USP47: variants seen among roughly 807,000 people sequenced by gnomAD.
USP47 encodes the protein ubiquitin carboxyl-terminal hydrolase 47.
USP47 carries 35 observed loss-of-function variants against 165.1 expected under a neutral mutation model. The ratio of observed to expected loss-of-function variants is 0.21; its 90% CI spans 0.16 to 0.28. The LOEUF is 0.28. Ranked by LOEUF, USP47 falls within the 10% of genes least tolerant of loss-of-function variation. The pLI is 1.00. For synonymous variants in USP47, 531 were observed against 544.5 expected (o/e 0.98, Z 0.35); for missense variants, 1,277 against 1,607.4 (o/e 0.79, Z 3.52).
At chr11:11,903,066 A>T (rs1006769768) in intron 6 of USP47, among the ~76,000 whole-genome samples, 197 bp from the exon 7 acceptor site, 9 of 152,174 alleles carry the variant, frequency 5.9e-5, no homozygotes, top group Non-Finnish European at 1.3e-4. Context: ...AGCATATATT[A>T]TTTATAGAAT....
rs370547108 is a variant in USP47, at chr11:11,884,502, C to T, written c.279C>T (p.Leu93=). The change falls in exon 3 of 28, where the codon CTC becomes CTT. Residue 93 remains leucine, a synonymous_variant. Coordinates refer to ENST00000527733, the MANE Select transcript of USP47 (RefSeq NM_001282659.2). ...PLDHTSDKSL[L]DANFEPGKKN... is the part of the protein sequence containing the mutation. ...ATCATACCAGTGACAAGTCACTTCT[C>T]GACGCTAATTTTGAGCCAGGAAAGA... is the stretch of plus-strand genomic sequence containing the variant. The T allele has an allele frequency of 3.0e-5, 49 of 1,611,418 alleles. No individual in the cohort carries two copies. The highest frequency in any genetic ancestry group is 1.6e-4 in the Middle Eastern group (1 of 6,072).
intron 8 of USP47, among the ~76,000 whole-genome samples, chr11:11,915,038 A>G (rs888870676): frequency 8.5e-5 from 13 of 152,328 alleles, no homozygotes; most frequent in South Asian, 2.1e-4. Flanking sequence ...ACAAATATTT[A>G]TTCCATCTTT....
At chr11:11,874,080 A>G (rs970363331) in intron 1 of USP47, among the ~76,000 whole-genome samples, 2 of 152,226 alleles carry the variant, frequency 1.3e-5, no homozygotes, top group South Asian at 2.1e-4. Flanking sequence ...TGATAGAAAA[A>G]CTAAAGAACC....
intron 1 of USP47, among the ~76,000 whole-genome samples, chr11:11,868,113 G>C (rs1467627706): frequency 6.6e-6 from 1 of 152,124 alleles, no homozygotes; most frequent in African/African-American, 2.4e-5. Flanking sequence ...TTGTAGTTTG[G>C]AGAAATAAAA....
At chr11:11,851,105 T>G (rs957759271) in intron 1 of USP47, among the ~76,000 whole-genome samples, 1 of 152,320 alleles carries the variant, frequency 6.6e-6, no homozygotes, top group Admixed American at 6.5e-5. Context: ...ATCTTTTCTT[T>G]TGTGCTGGAT....
intron 8 of USP47, among the ~76,000 whole-genome samples, chr11:11,909,692 G>A (rs995299526): frequency 5.3e-5 from 8 of 152,062 alleles, no homozygotes; most frequent in Non-Finnish European, 1.0e-4. Context: ...TTAAATACCT[G>A]TTTATTATGA....
intron 3 of USP47, among the ~76,000 whole-genome samples, chr11:11,891,580 CTT>C (rs1160517444): frequency 6.6e-6 from 1 of 152,170 alleles, no homozygotes; most frequent in Non-Finnish European, 1.5e-5. Flanking sequence ...GCTTGTGCTG[CTT>C]TTATGTCCCT....
chr11:11,959,964 CT>C lies in USP47; in HGVS notation c.*3790del, dbSNP rs1293757019. Reference sequence around the variant, plus strand: ...GCCTCTTTTATAATGCTTAAGTAACCTGCTTGAAGAGTATAATTTATGGAGA... The same window carrying C: ...GCCTCTTTTATAATGCTTAAGTAACCGCTTGAAGAGTATAATTTATGGAGA... On this transcript the variant is annotated 3_prime_UTR_variant, in exon 28 of 28. Coordinates refer to ENST00000527733, the MANE Select transcript of USP47 (RefSeq NM_001282659.2). Among the ~76,000 whole-genome samples the C allele has an allele frequency of 6.6e-6, 1 of 152,110 alleles. No individual in the cohort carries two copies. Among genetic ancestry groups the C allele is most frequent in the Non-Finnish European group, 1.5e-5 (1 of 68,018 alleles).
chr11:11,873,948 T>C, intron 1 of USP47: 1 of 690,202 alleles, frequency 1.4e-6, no homozygotes, highest in Non-Finnish European at 2.1e-6. Flanking sequence ...AAGGCATGTC[T>C]TAAGTTTTAT....
intron 2 of USP47, 48 bp downstream of exon 2, chr11:11,880,428 T>C: frequency 1.6e-6 from 2 of 1,235,526 alleles, no homozygotes; most frequent in Non-Finnish European, 2.0e-6. Context: ...TAGCCATTGT[T>C]GTTGTTGTTA....
Position 11,842,190 on chromosome 11 carries a change from T to C in USP47, c.5T>C (p.Val2Ala), listed in dbSNP as rs772250799. Reference sequence around the variant, plus strand: ...GAGGAGCGGCCGGAGTCAGCGATGGTGCCCGGCGAGGAGAACCAACTGGTC... The same window carrying C: ...GAGGAGCGGCCGGAGTCAGCGATGGCGCCCGGCGAGGAGAACCAACTGGTC... MVPGEENQLVPK... is the reference protein window; with the variant it reads MAPGEENQLVPK... Residue 2 changes from valine (V) to alanine (A), a missense_variant, in exon 1 of 28, where the codon GTG (valine) becomes GCG (alanine). Transcript: ENST00000527733. 6.4e-7 allele frequency: 1 copy of C among 1,553,660 alleles called. No homozygotes were observed. Among genetic ancestry groups the C allele is most frequent in the Non-Finnish European group, 8.7e-7 (1 of 1,147,752 alleles).
chr11:11,930,948 T>A (rs1356763090), intron 14 of USP47, among the ~76,000 whole-genome samples, 197 bp downstream of exon 14: 1 of 152,240 alleles, frequency 6.6e-6, no homozygotes, highest in Non-Finnish European at 1.5e-5. Context: ...AATTATTTTT[T>A]AATATATGAA....
intron 1 of USP47, among the ~76,000 whole-genome samples, chr11:11,844,704 T>G (rs942368248): frequency 7.9e-5 from 12 of 152,292 alleles, no homozygotes; most frequent in African/African-American, 2.6e-4. Context: ...TTTTAATGGC[T>G]TATTATCAAT....
In USP47 at chr11:11,956,279, G is replaced by A. The variant is rs1856554077; in HGVS notation, c.*104G>A. On this transcript the variant is annotated 3_prime_UTR_variant, in exon 28 of 28. Transcript: ENST00000527733. ...GGCCGGACATGGTTGGGGTAACCCA[G>A]TGACACCAGCACTGATTGGACTGCC... 13 of 1,297,010 alleles carry A rather than the reference G, an allele frequency of 1.0e-5. No individual in the cohort carries two copies. The highest frequency in any genetic ancestry group is 2.7e-5 in the South Asian group (2 of 73,376). 80.3% of individuals were successfully genotyped at this position (1,297,010 alleles called of 1,614,324 possible). A position where few individuals can be genotyped will look rare whatever the true frequency, so the allele number is the denominator to read the frequency against.
intron 3 of USP47, among the ~76,000 whole-genome samples, chr11:11,887,341 G>A (rs530350817): frequency 1.3e-5 from 2 of 152,070 alleles, no homozygotes; most frequent in Non-Finnish European, 2.9e-5. Flanking sequence ...CCCATCTCAT[G>A]TGCAAAGACA....
At position 11,908,601 on chromosome 11, in the gene USP47, GT is replaced by G. The variant is rs1184926949; in HGVS notation, c.969+3062del. ...TAATATCCACAATCAATTTTTATGG[GT>G]TTTTTTTTAGTATGATAACAGGTTA... On this transcript the variant is annotated intron_variant, in intron 8 of 27. Coordinates refer to ENST00000527733, the MANE Select transcript of USP47 (RefSeq NM_001282659.2). Among the ~76,000 whole-genome samples the G allele has an allele frequency of 8.0e-5, 12 of 150,840 alleles. No homozygotes were observed. In the South Asian group the frequency reaches 1.3e-3, roughly 16 times the overall value.
intron 8 of USP47, among the ~76,000 whole-genome samples, chr11:11,919,879 C>G (rs1206884004): frequency 6.6e-6 from 1 of 151,778 alleles, no homozygotes; most frequent in Non-Finnish European, 1.5e-5. Flanking sequence ...TTTAGCCAAA[C>G]ACTGCAATGT....
chr11:11,909,830 G>T (rs927498149), intron 8 of USP47, among the ~76,000 whole-genome samples: 1 of 152,154 alleles, frequency 6.6e-6, no homozygotes, highest in Non-Finnish European at 1.5e-5. Flanking sequence ...TTAAAGTTTT[G>T]AATGGAAAAT....
intron 3 of USP47, among the ~76,000 whole-genome samples, chr11:11,890,844 G>C (rs544805848): frequency 5.6e-4 from 86 of 152,288 alleles, no homozygotes; most frequent in African/African-American, 1.9e-3. Context: ...CAACTAACAA[G>C]ATCATGTCCT....
Sources: allele counts gnomAD v4.1 joint callset (sites outside exome capture counted in the v4.1 genomes callset), GRCh38; gene constraint gnomAD v4.1.1; transcripts MANE v1.5; gene names NCBI Gene and HGNC (gene_info 2026-07-23, HGNC 2026-07-21).